Variants in MYH10 observed in about 807,000 individuals in gnomAD.
MYH10 encodes the protein myosin-10.
Under a neutral mutation model 257.8 loss-of-function variants are expected in MYH10, and 55 were observed. The ratio of observed to expected loss-of-function variants is 0.21; its 90% confidence interval spans 0.17 to 0.27. MYH10 has a LOEUF of 0.27. Among genes scored for constraint, MYH10 ranks in the 10% least tolerant of loss-of-function variants. The pLI is 1.00. For synonymous variants in MYH10, 854 were observed against 921.7 expected, an observed-to-expected ratio of 0.93 and a Z score of 1.33; for missense variants, 1,631 against 2,500.6, an observed-to-expected ratio of 0.65 and a Z score of 7.42.
intron 1 of MYH10, among the ~76,000 whole-genome samples, chr17:8,630,357 G>A (rs1164003549): frequency 1.4e-5 from 2 of 146,900 alleles, no homozygotes; most frequent in Non-Finnish European, 3.0e-5. Flanking sequence ...CCCAGGCCCT[G>A]ACCCCCGCGG....
chr17:8,518,681 G>A lies in MYH10; in HGVS notation c.2454C>T (p.Thr818=), dbSNP rs778117604. ...HLEEERDLKI[T]DIIIFFQAVC... is the part of the protein sequence containing the mutation. ...CGGCCTGGAAGAAGATAATGATATC[G>A]GTGATTTTTAAATCTCTTTCTTCCT... is the stretch of plus-strand genomic sequence containing the variant. The change falls in exon 21 of 43, where the codon ACC becomes ACT. Residue 818 remains threonine, a synonymous_variant. Transcript: ENST00000360416. The A allele has an allele frequency of 6.8e-6, 11 of 1,614,062 alleles. No homozygotes were observed. Among genetic ancestry groups the A allele is most frequent in the East Asian group, 2.2e-5 (1 of 44,888 alleles).
intron 1 of MYH10, among the ~76,000 whole-genome samples, chr17:8,629,064 C>A (rs190598566): frequency 1.3e-5 from 2 of 152,168 alleles, no homozygotes; most frequent in South Asian, 4.2e-4. Flanking sequence ...CCGAGACAGG[C>A]AGGGCATACT....
At chr17:8,604,051 G>A (rs954100267) in intron 3 of MYH10, among the ~76,000 whole-genome samples, 4 of 152,140 alleles carry the variant, frequency 2.6e-5, no homozygotes, top group African/African-American at 9.7e-5. Context: ...AAAAGTGGGT[G>A]CAGCACAGCC....
intron 33 of MYH10, 39 bp from the exon 34 acceptor site, chr17:8,492,548 C>T (rs752650401): frequency 1.3e-6 from 2 of 1,565,904 alleles, no homozygotes; most frequent in Non-Finnish European, 1.7e-6. Flanking sequence ...AAAACCGAAA[C>T]AGTGACATCA....
chr17:8,598,415 G>C (rs1403932355), intron 3 of MYH10, among the ~76,000 whole-genome samples: 1 of 152,078 alleles, frequency 6.6e-6, no homozygotes, highest in Non-Finnish European at 1.5e-5. Flanking sequence ...ACCAGTTCTA[G>C]GAGAAAATGT....
chr17:8,590,890 T>TTTTTTTG, intron 3 of MYH10, among the ~76,000 whole-genome samples: 2 of 146,884 alleles, frequency 1.4e-5, no homozygotes, highest in Admixed American at 6.8e-5. Flanking sequence ...TTTTTTTTTT[T>TTTTTTTG]GAGATGGAGT....
At chr17:8,518,517 C>A in intron 21 of MYH10, 114 bp downstream of exon 21, 2 of 1,163,926 alleles carry the variant, frequency 1.7e-6, no homozygotes, top group Non-Finnish European at 1.2e-6. Flanking sequence ...TATAAAGCAA[C>A]TTCTGTAAGG....
At position 8,474,317 on chromosome 17, in the gene MYH10, G is replaced by A. The variant is rs1159157160; in HGVS notation, c.*1487C>T. On this transcript the variant is annotated 3_prime_UTR_variant, in exon 43 of 43. Transcript: ENST00000360416. Reference sequence around the variant, plus strand: ...AATATCTATAATGAATAAATTTATTGTCTTACAAAAATCATTGTCTAGAAA... The same window carrying A: ...AATATCTATAATGAATAAATTTATTATCTTACAAAAATCATTGTCTAGAAA... The A allele has an allele frequency of 6.6e-6, 1 of 152,524 alleles. No individual in the cohort carries two copies. The highest frequency in any genetic ancestry group is 1.5e-5 in the Non-Finnish European group (1 of 68,022). The allele number at this position is 152,524 out of a possible 1,614,324, so 9.4% of individuals were successfully genotyped here. A position where few individuals can be genotyped will look rare whatever the true frequency, so the allele number is the denominator to read the frequency against.
intron 7 of MYH10, among the ~76,000 whole-genome samples, chr17:8,558,681 CTTA>C (rs1374508179): frequency 3.3e-5 from 5 of 152,208 alleles, no homozygotes; most frequent in Admixed American, 6.5e-5. Context: ...TAGGCTCTTA[CTTA>C]TTATTGCCTT....
chr17:8,629,139 CAATA>C (rs762008722), intron 1 of MYH10, among the ~76,000 whole-genome samples: 6 of 152,136 alleles, frequency 3.9e-5, no homozygotes, highest in East Asian at 3.9e-4. Flanking sequence ...GGAGATAAAA[CAATA>C]AATAGATTAT....
chr17:8,576,571 G>T, intron 6 of MYH10, 72 bp downstream of exon 6: 3 of 1,410,324 alleles, frequency 2.1e-6, no homozygotes, highest in Non-Finnish European at 2.9e-6. Context: ...TTTGATTCTA[G>T]CAGAGACTCA....
At chr17:8,483,118 C>G (rs1914136330) in intron 37 of MYH10, among the ~76,000 whole-genome samples, 1 of 152,252 alleles carries the variant, frequency 6.6e-6, no homozygotes, top group East Asian at 1.9e-4. Context: ...AAATTATTCA[C>G]AGGATGAAGA....
intron 2 of MYH10, among the ~76,000 whole-genome samples, chr17:8,613,949 T>C (rs978721567): frequency 6.0e-5 from 9 of 151,018 alleles, no homozygotes; most frequent in Admixed American, 2.0e-4. Context: ...ACAGTCAATT[T>C]TGCAAGAAAA....
intron 3 of MYH10, among the ~76,000 whole-genome samples, chr17:8,593,962 T>C (rs2084266006): frequency 6.6e-6 from 1 of 152,188 alleles, no homozygotes; most frequent in South Asian, 2.1e-4. Flanking sequence ...GCCAGTGTGA[T>C]ACTGGCAAAA....
rs928150171 is a variant in MYH10 at position 8,474,406 on chromosome 17, A to G, written c.*1398T>C. ...TGGTGGTCAACAGCCAGTACAGTTC[A>G]TAAAGGGGGAAAATCCAAGATTCCA... is the stretch of plus-strand genomic sequence containing the variant. On this transcript the variant is annotated 3_prime_UTR_variant, in exon 43 of 43. Coordinates refer to ENST00000360416, the MANE Select transcript of MYH10 (RefSeq NM_001256012.3). The G allele has an allele frequency of 6.6e-6, 1 of 152,612 alleles. No homozygotes were observed. Among genetic ancestry groups the G allele is most frequent in the Non-Finnish European group, 1.5e-5 (1 of 68,048 alleles). The allele number at this position is 152,612 out of a possible 1,614,324, so 9.5% of individuals were successfully genotyped here. A position where few individuals can be genotyped will look rare whatever the true frequency, so the allele number is the denominator to read the frequency against.
rs758526386 is a variant in MYH10, at chr17:8,499,486, G to A, written c.3745-10C>T. 2.9e-5 allele frequency: 47 copies of A among 1,613,206 alleles called. No homozygotes were observed. Among genetic ancestry groups the A allele is most frequent in the South Asian group, 1.1e-4 (10 of 91,062 alleles). ...CTAGATTTGCTTTGAACTAGGAGACGGAAGGGAAAACATAATTCACTAGTT... is the reference window on the plus strand; with the variant it reads ...CTAGATTTGCTTTGAACTAGGAGACAGAAGGGAAAACATAATTCACTAGTT... On this transcript the variant is annotated splice_polypyrimidine_tract_variant and intron_variant, in intron 29 of 42. Transcript: ENST00000360416.
chr17:8,580,396 CTTA>C (rs2083658651), intron 4 of MYH10, among the ~76,000 whole-genome samples: 2 of 149,744 alleles, frequency 1.3e-5, no homozygotes, highest in Admixed American at 6.6e-5. Context: ...CAATATTCAT[CTTA>C]TTTTTTTTTT....
At chr17:8,519,787 G>A (rs750096352) in intron 19 of MYH10, among the ~76,000 whole-genome samples, 9 of 151,894 alleles carry the variant, frequency 5.9e-5, no homozygotes, top group Non-Finnish European at 1.3e-4. Context: ...AGCAAATGGT[G>A]TCATACTTTC....
At chr17:8,544,015 A>G (rs564556134) in intron 13 of MYH10, among the ~76,000 whole-genome samples, 31 of 151,934 alleles carry the variant, frequency 2.0e-4, no homozygotes, top group Admixed American at 5.9e-4. Context: ...TGTGACCCTG[A>G]TTTTTTTTAA....
Sources: gnomAD v4.1 joint callset for allele counts (sites outside exome capture counted in the v4.1 genomes callset) on GRCh38, gnomAD v4.1.1 for gene constraint, MANE v1.5 for transcripts, NCBI Gene and HGNC (gene_info 2026-07-23, HGNC 2026-07-21) for gene names.